The following FHIT variants were observed in gnomAD, a reference collection of about 807,000 sequenced individuals.
FHIT encodes bis(5'-adenosyl)-triphosphatase.
A neutral mutation model predicts 17.9 loss-of-function variants in FHIT; 19 were observed. The ratio of observed to expected loss-of-function variants is 1.06; its 90% CI spans 0.74 to 1.56. The LOEUF (loss-of-function observed/expected upper bound fraction) is 1.56. FHIT is among the 40% of genes most tolerant of loss of function. FHIT has a pLI of 0.00. For missense variants in FHIT, 248 were observed against 189.2 expected, an observed-to-expected ratio of 1.31 and a Z score of -1.82; for synonymous variants, 81 against 69.7, an observed-to-expected ratio of 1.16 and a Z score of -0.81.
At chr3:60,966,127 C>T (rs1196886545) in intron 3 of FHIT, among the ~76,000 whole-genome samples, 1 of 152,198 alleles carries the variant, frequency 6.6e-6, no homozygotes, top group Non-Finnish European at 1.5e-5. Flanking sequence ...CCCACTCAAG[C>T]CTCAGCAATT....
chr3:61,153,569 G>C (rs1321093256), intron 2 of FHIT, among the ~76,000 whole-genome samples: 1 of 152,102 alleles, frequency 6.6e-6, no homozygotes, highest in Admixed American at 6.5e-5. Flanking sequence ...AGATCATTTT[G>C]GTGATATAGA....
intron 5 of FHIT, among the ~76,000 whole-genome samples, chr3:60,079,617 A>AT (rs1386478017): frequency 6.6e-6 from 1 of 151,688 alleles, no homozygotes; most frequent in Non-Finnish European, 1.5e-5. Flanking sequence ...ACCTTCTCTT[A>AT]TTTTTTTGTT....
At chr3:60,614,841 TGTTTTTTGA>T (rs2038904047) in intron 4 of FHIT, among the ~76,000 whole-genome samples, 2 of 79,576 alleles carry the variant, frequency 2.5e-5, no homozygotes, top group Non-Finnish European at 5.4e-5. Context: ...GTTTTTTTTT[TGTTTTTTGA>T]GATGGAGCCC....
rs77937638 is a variant in FHIT, at chr3:60,550,004, T to G, written c.-17-13025A>C. Among the ~76,000 whole-genome samples, 812 of 152,240 alleles carry G rather than the reference T, an allele frequency of 5.3e-3. 5 individuals carry two copies. Among genetic ancestry groups the G allele is most frequent in the African/African-American group, 0.019 (780 of 41,538 alleles). ...AGAAAAAGCCTTAACTCCAGACACT[T>G]CTACCAACTGGAGAGTAGGTTTCTA... On this transcript the variant is annotated intron_variant, in intron 4 of 9. Transcript: ENST00000492590.
chr3:59,950,094 T>A (rs554005000), intron 7 of FHIT, among the ~76,000 whole-genome samples: 2 of 152,308 alleles, frequency 1.3e-5, no homozygotes, highest in South Asian at 4.1e-4. Flanking sequence ...TATTGTGAGA[T>A]GAGGAAATGA....
At chr3:60,817,114 T>G (rs780070518) in intron 4 of FHIT, among the ~76,000 whole-genome samples, 1 of 152,086 alleles carries the variant, frequency 6.6e-6, no homozygotes, top group Non-Finnish European at 1.5e-5. Context: ...CTATCTCATA[T>G]AAAATTGGAA....
chr3:60,603,871 C>G (rs2038523459), intron 4 of FHIT, among the ~76,000 whole-genome samples: 1 of 152,096 alleles, frequency 6.6e-6, no homozygotes, highest in Non-Finnish European at 1.5e-5. Context: ...ATTAGCAGTA[C>G]CTAACATTTC....
At chr3:60,017,967 C>T (rs1234083052) in intron 5 of FHIT, among the ~76,000 whole-genome samples, 3 of 152,160 alleles carry the variant, frequency 2.0e-5, no homozygotes, top group African/African-American at 7.2e-5. Flanking sequence ...GTCTATTTCC[C>T]CTCCCCTTGA....
At chr3:60,508,828 C>T (rs553742387) in intron 5 of FHIT, among the ~76,000 whole-genome samples, 2 of 152,154 alleles carry the variant, frequency 1.3e-5, no homozygotes, top group South Asian at 2.1e-4. Context: ...AGCTTAGCTT[C>T]TCAAAAAGCC....
intron 5 of FHIT, among the ~76,000 whole-genome samples, chr3:60,282,347 G>A (rs12633119): frequency 0.26 from 39,003 of 152,018 alleles, 5,710 homozygotes; most frequent in East Asian, 0.69. Context: ...ATAAAAAGGT[G>A]TGGAGGCACC....
At chr3:60,615,239 G>C (rs1553675414) in intron 4 of FHIT, among the ~76,000 whole-genome samples, 1 of 152,180 alleles carries the variant, frequency 6.6e-6, no homozygotes, top group Non-Finnish European at 1.5e-5. Flanking sequence ...GAAACAAAGT[G>C]CATAATGGTT....
In FHIT at chr3:60,585,026, C is replaced by T. The variant is rs77865945; in HGVS notation, c.-17-48047G>A. ...AGTTTTGCATCACTTCAGGCATCAA[C>T]AAAACTATTTTAATACAATCCTTTC... On this transcript the variant is annotated intron_variant, in intron 4 of 9. Coordinates refer to ENST00000492590, the MANE Select transcript of FHIT (RefSeq NM_002012.4). Among the ~76,000 whole-genome samples, 122 of 151,996 alleles carry T rather than the reference C, an allele frequency of 8.0e-4. 1 individual carries two copies. Among genetic ancestry groups the T allele is most frequent in the African/African-American group, 2.8e-3 (117 of 41,492 alleles).
At chr3:60,331,999 T>C (rs751273043) in intron 5 of FHIT, among the ~76,000 whole-genome samples, 77 of 152,078 alleles carry the variant, frequency 5.1e-4, no homozygotes, top group Non-Finnish European at 9.3e-4. Context: ...CTGTGTACCA[T>C]GTACACAAAA....
chr3:59,848,888 C>T (rs1335973873), intron 8 of FHIT, among the ~76,000 whole-genome samples: 1 of 152,220 alleles, frequency 6.6e-6, no homozygotes, highest in African/African-American at 2.4e-5. Context: ...ATCCTTCACT[C>T]TTGAGTATTC....
At chr3:60,423,217 G>A (rs1415500127) in intron 5 of FHIT, among the ~76,000 whole-genome samples, 1 of 152,034 alleles carries the variant, frequency 6.6e-6, no homozygotes, top group Non-Finnish European at 1.5e-5. Flanking sequence ...GAGTATAGAT[G>A]GTAGAGTAGA....
intron 5 of FHIT, among the ~76,000 whole-genome samples, chr3:60,220,101 C>G (rs1201236808): frequency 6.6e-6 from 1 of 152,050 alleles, no homozygotes; most frequent in Non-Finnish European, 1.5e-5. Context: ...ATCTAAATTT[C>G]TATCAATAGG....
chr3:59,849,354 C>G (rs1014007944), intron 8 of FHIT, among the ~76,000 whole-genome samples: 5 of 151,652 alleles, frequency 3.3e-5, no homozygotes, highest in African/African-American at 1.2e-4. Flanking sequence ...GCCTGGGTGA[C>G]AGAATGAGAC....
chr3:59,758,350 C>A (rs1432377307), intron 8 of FHIT, among the ~76,000 whole-genome samples: 1 of 152,140 alleles, frequency 6.6e-6, no homozygotes, highest in Non-Finnish European at 1.5e-5. Context: ...TACTAACAAA[C>A]ATGTATCAGA....
chr3:60,476,847 G>T (rs1032169081), intron 5 of FHIT, among the ~76,000 whole-genome samples: 3 of 121,608 alleles, frequency 2.5e-5, no homozygotes, highest in African/African-American at 9.7e-5. Flanking sequence ...CCCGGGGAAG[G>T]ATTTTTTTTT....
Sources: allele counts gnomAD v4.1 joint callset (sites outside exome capture counted in the v4.1 genomes callset), GRCh38; gene constraint gnomAD v4.1.1; transcripts MANE v1.5; gene names NCBI Gene and HGNC (gene_info 2026-07-23, HGNC 2026-07-21).